RGS7: variants seen among roughly 807,000 people sequenced by gnomAD.
RGS7 encodes the protein regulator of G-protein signaling 7.
A neutral mutation model predicts 81.1 loss-of-function variants in RGS7; 27 were observed. The observed-to-expected ratio is 0.33, with a 90% CI of 0.25 to 0.46. The LOEUF is 0.46. Among genes scored for constraint, RGS7 ranks in the 20% least tolerant of loss-of-function variants. The pLI, the probability that RGS7 is intolerant of heterozygous loss-of-function variation, is 1.00. For synonymous variants in RGS7, 208 were observed against 207.7 expected (o/e 1.00, Z -0.01); for missense variants, 396 against 607.4 (o/e 0.65, Z 3.66).
chr1:241,217,936 A>G (rs1448478905), intron 2 of RGS7, among the ~76,000 whole-genome samples: 3 of 152,218 alleles, frequency 2.0e-5, no homozygotes, highest in Non-Finnish European at 4.4e-5. Context: ...CTAACTATGT[A>G]GCTGGTGTAT....
intron 6 of RGS7, among the ~76,000 whole-genome samples, chr1:240,888,950 A>G (rs187813545): frequency 1.1e-3 from 161 of 152,052 alleles, no homozygotes; most frequent in African/African-American, 3.7e-3. Flanking sequence ...AGAAAGAGGT[A>G]ACATTTGTTT....
intron 3 of RGS7, among the ~76,000 whole-genome samples, chr1:241,030,893 A>G (rs1401871333): frequency 6.6e-6 from 1 of 152,196 alleles, no homozygotes; most frequent in Non-Finnish European, 1.5e-5. Context: ...AGTCCAAGTG[A>G]CATCCCTTTG....
At chr1:241,335,970 AGTT>A (rs200729778) in intron 2 of RGS7, among the ~76,000 whole-genome samples, 4,808 of 152,232 alleles carry the variant, frequency 0.032, 250 homozygotes, top group African/African-American at 0.11. Context: ...AATATTTTAG[AGTT>A]GTTATGTTAG....
chr1:240,906,268 T>A (rs916916258), intron 6 of RGS7, among the ~76,000 whole-genome samples: 18 of 152,254 alleles, frequency 1.2e-4, no homozygotes, highest in African/African-American at 4.3e-4. Flanking sequence ...CACAGGTACA[T>A]CATTAAATGC....
intron 3 of RGS7, among the ~76,000 whole-genome samples, chr1:241,052,707 C>CA (rs58122295): frequency 0.27 from 40,298 of 151,754 alleles, 5,582 homozygotes; most frequent in African/African-American, 0.29. Context: ...ACAATTCCCC[C>CA]CCAAAGTATT....
intron 2 of RGS7, among the ~76,000 whole-genome samples, chr1:241,168,897 C>T (rs1271533998): frequency 2.0e-5 from 3 of 150,954 alleles, no homozygotes; most frequent in East Asian, 3.9e-4. Context: ...ATGACTTCTA[C>T]AGCTGCAAGG....
At chr1:240,861,775 AC>A (rs1662243639) in intron 9 of RGS7, among the ~76,000 whole-genome samples, 1 of 151,964 alleles carries the variant, frequency 6.6e-6, no homozygotes, top group Non-Finnish European at 1.5e-5. Flanking sequence ...TTGCCTCCTT[AC>A]CGTCCATCCA....
chr1:241,087,950 C>A (rs9428861), intron 3 of RGS7, among the ~76,000 whole-genome samples: 1 of 103,760 alleles, frequency 9.6e-6, no homozygotes, highest in East Asian at 3.8e-4. Flanking sequence ...CTCCATCTCT[C>A]TCTCTCTCTC....
At chr1:241,152,731 C>T (rs1023714477) in intron 2 of RGS7, among the ~76,000 whole-genome samples, 3 of 152,260 alleles carry the variant, frequency 2.0e-5, no homozygotes, top group Non-Finnish European at 4.4e-5. Context: ...CCGAGCATTT[C>T]GTATATGTGT....
chr1:240,785,674 G>C (rs1684941110), intron 18 of RGS7, among the ~76,000 whole-genome samples: 1 of 152,112 alleles, frequency 6.6e-6, no homozygotes. Flanking sequence ...GGTGGAGAGA[G>C]GGATGGGGGT....
chr1:241,007,365 T>C (rs942189078), intron 3 of RGS7, among the ~76,000 whole-genome samples: 5 of 152,222 alleles, frequency 3.3e-5, no homozygotes, highest in Non-Finnish European at 5.9e-5. Flanking sequence ...TAATAGGGCA[T>C]AATATATATA....
At chr1:241,180,332 G>A (rs534842734) in intron 2 of RGS7, among the ~76,000 whole-genome samples, 18 of 151,970 alleles carry the variant, frequency 1.2e-4, no homozygotes, top group Middle Eastern at 3.4e-3. Context: ...CTGAGATGGC[G>A]CCACTGCACT....
chr1:241,275,668 C>A (rs1463793193), intron 2 of RGS7, among the ~76,000 whole-genome samples: 1 of 152,170 alleles, frequency 6.6e-6, no homozygotes, highest in Non-Finnish European at 1.5e-5. Context: ...CAAGGAACTT[C>A]TTTTTCTAAT....
intron 2 of RGS7, among the ~76,000 whole-genome samples, chr1:241,318,089 G>C (rs570525504): frequency 1.3e-5 from 2 of 152,232 alleles, no homozygotes; most frequent in East Asian, 1.9e-4. Flanking sequence ...ATTTGTCTAC[G>C]TGTTACAGAC....
intron 2 of RGS7, among the ~76,000 whole-genome samples, chr1:241,257,186 G>A (rs1022937676): frequency 6.6e-6 from 1 of 152,064 alleles, no homozygotes; most frequent in African/African-American, 2.4e-5. Context: ...ATGGTGGGAA[G>A]TCCGAGATCA....
At chr1:241,030,499 C>CAA (rs2060034563) in intron 3 of RGS7, among the ~76,000 whole-genome samples, 1 of 144,752 alleles carries the variant, frequency 6.9e-6, no homozygotes, top group African/African-American at 2.8e-5. Context: ...GATGTACACA[C>CAA]ACACACACAC....
At chr1:241,297,893 G>C (rs887951519) in intron 2 of RGS7, among the ~76,000 whole-genome samples, 1 of 152,150 alleles carries the variant, frequency 6.6e-6, no homozygotes, top group Non-Finnish European at 1.5e-5. Context: ...CACTGGCTTC[G>C]GTCTGAAGGC....
rs143074384 is a variant in RGS7, at chr1:241,313,907, T to C, written c.78+41792A>G. 8.7e-3 allele frequency among the ~76,000 whole-genome samples: 1,317 copies of C among 152,218 alleles called. 18 individuals are homozygous for C. Among genetic ancestry groups the C allele is most frequent in the African/African-American group, 0.03 (1,267 of 41,550 alleles). On this transcript the variant is annotated intron_variant, in intron 2 of 18. Transcript: ENST00000440928. ...CTTCAGCGGTGGAAGTCACTGCAGA[T>C]GTGGTAGAAATAGCAAGAGAACTTG...
chr1:241,072,599 G>A (rs925409875), intron 3 of RGS7, among the ~76,000 whole-genome samples: 14 of 152,134 alleles, frequency 9.2e-5, no homozygotes, highest in African/African-American at 2.7e-4. Flanking sequence ...CCTGTGATGC[G>A]TGTTTTCCGG....
Sources: gnomAD v4.1 joint callset for allele counts (sites outside exome capture counted in the v4.1 genomes callset) on GRCh38, gnomAD v4.1.1 for gene constraint, MANE v1.5 for transcripts, NCBI Gene and HGNC (gene_info 2026-07-23, HGNC 2026-07-21) for gene names.